SORBS2: variants seen among roughly 807,000 people sequenced by gnomAD.
The protein encoded by SORBS2 is sorbin and SH3 domain containing 2.
A neutral mutation model predicts 97.7 loss-of-function variants in SORBS2; 46 were observed. The ratio of observed to expected loss-of-function variants is 0.47; its 90% CI spans 0.37 to 0.60. SORBS2 has a LOEUF of 0.60. Among genes scored for constraint, SORBS2 ranks in the 20% least tolerant of loss-of-function variants. The probability of loss-of-function intolerance (pLI) is 0.00; values close to 1 mark genes in which losing one functional copy is unlikely to be tolerated. For missense variants in SORBS2, 1,316 were observed against 1,282.3 expected (o/e 1.03, Z -0.40); for synonymous variants, 476 against 473.4 (o/e 1.01, Z -0.07).
chr4:185,720,535 G>T (rs1300602866), intron 2 of SORBS2, among the ~76,000 whole-genome samples: 7 of 152,008 alleles, frequency 4.6e-5, no homozygotes, highest in Non-Finnish European at 7.4e-5. Context: ...CCTCTTTAAA[G>T]ACTGTATTTC....
chr4:185,773,929 C>T (rs2098986472), intron 2 of SORBS2: 1 of 142,022 alleles, frequency 7.0e-6, no homozygotes, highest in South Asian at 2.3e-4. Context: ...GTAAAACAGA[C>T]TTCTGGCTAC....
chr4:185,788,559 G>C (rs983395438), intron 1 of SORBS2, among the ~76,000 whole-genome samples: 1 of 152,124 alleles, frequency 6.6e-6, no homozygotes, highest in African/African-American at 2.4e-5. Flanking sequence ...TTCGTACAAG[G>C]CTCGCTGGTG....
intron 1 of SORBS2, among the ~76,000 whole-genome samples, chr4:185,946,231 A>C (rs1320410138): frequency 6.6e-6 from 1 of 152,216 alleles, no homozygotes; most frequent in Admixed American, 6.5e-5. Context: ...AAAAGGAAAA[A>C]GAGAACATGA....
Position 185,741,404 on chromosome 4 carries a change from G to GTTT in SORBS2, c.-198+33820_-198+33822dup, listed in dbSNP as rs58376567. On this transcript the variant is annotated intron_variant, in intron 2 of 20. Coordinates refer to the SORBS2 transcript ENST00000284776. The stretch of plus-strand genomic sequence containing the variant: ...TCTTTCTTTCTTTTCTTTTTTTTTT[G>GTTT]TTTTTTTTTTTTTTTTTGAGGGGGA... Among the ~76,000 whole-genome samples, 648 of 111,598 alleles carry GTTT rather than the reference G, an allele frequency of 5.8e-3. 9 individuals are homozygous for GTTT. The highest frequency in any genetic ancestry group is 9.8e-3 in the South Asian group (31 of 3,168). The allele number at this position is 111,598 out of a possible 152,430, so 73.2% of individuals were successfully genotyped here. A position where few individuals can be genotyped will look rare whatever the true frequency, so the allele number is the denominator to read the frequency against.
At chr4:185,945,515 T>C (rs2150011628) in intron 1 of SORBS2, among the ~76,000 whole-genome samples, 1 of 152,348 alleles carries the variant, frequency 6.6e-6, no homozygotes, top group African/African-American at 2.4e-5. Flanking sequence ...TTGCACAATT[T>C]TGGTAAACCT....
Position 185,606,256 on chromosome 4 carries a change from T to G in SORBS2, c.2796+5524A>C, listed in dbSNP as rs928427999. 2.0e-6 allele frequency: 2 copies of G among 985,074 alleles called. No homozygotes were observed. The highest frequency in any genetic ancestry group is 1.2e-4 in the Admixed American group (2 of 16,270). The allele number at this position is 985,074 out of a possible 1,614,324, so 61.0% of individuals were successfully genotyped here. A position where few individuals can be genotyped will look rare whatever the true frequency, so the allele number is the denominator to read the frequency against. On this transcript the variant is annotated intron_variant, in intron 12 of 14. Transcript: ENST00000418609. This position sits in a 1 kb window ranked among gnomAD's most constrained non-coding sequence, Gnocchi z 4.3. ...TAAAGATGTGGAGTTTTTAGAATAG[T>G]GTCTGATACTCAGTAAGAGCTCCAC...
At chr4:185,710,994 G>A (rs1443091802) in intron 2 of SORBS2, among the ~76,000 whole-genome samples, 1 of 96,138 alleles carries the variant, frequency 1.0e-5, no homozygotes, top group Non-Finnish European at 2.8e-5. Context: ...TTTAGAGACA[G>A]GGTCTCTCTC....
chr4:185,649,456 A>G lies in SORBS2; in HGVS notation c.281+11T>C. ...GCGAAACATAGGCCACCCTGGGGGG[A>G]AATGCCTTACTTTTCTGTTGAAGAC... On this transcript the variant is annotated intron_variant, in intron 3 of 14. Transcript: ENST00000418609. 1.3e-6 allele frequency: 2 copies of G among 1,553,702 alleles called. No individual in the cohort carries two copies. The highest frequency in any genetic ancestry group is 2.4e-5 in the East Asian group (1 of 41,616).
chr4:185,646,417 G>GTATATATA (rs35114445), intron 4 of SORBS2: 1 of 273,686 alleles, frequency 3.7e-6, no homozygotes, highest in African/African-American at 2.5e-5. Flanking sequence ...ATGTGTGTGT[G>GTATATATA]TATATATATA....
intron 1 of SORBS2, among the ~76,000 whole-genome samples, chr4:185,955,372 A>G (rs1254024240): frequency 6.6e-6 from 1 of 152,230 alleles, no homozygotes; most frequent in Non-Finnish European, 1.5e-5. Context: ...TACTGTATAG[A>G]AGAAACAACT....
intron 4 of SORBS2, among the ~76,000 whole-genome samples, chr4:185,677,946 G>A (rs77303249): frequency 0.016 from 2,437 of 151,808 alleles, 68 homozygotes; most frequent in African/African-American, 0.057. Flanking sequence ...TGTTCTCTTG[G>A]CATATTTTAT....
At chr4:185,680,621 G>A (rs1282662484) in intron 2 of SORBS2, among the ~76,000 whole-genome samples, 1 of 152,120 alleles carries the variant, frequency 6.6e-6, no homozygotes, top group East Asian at 1.9e-4. Flanking sequence ...TTTTTTTCTT[G>A]AGGATAGGGA....
chr4:185,881,019 C>G (rs2099236599), intron 1 of SORBS2, among the ~76,000 whole-genome samples: 1 of 151,770 alleles, frequency 6.6e-6, no homozygotes, highest in African/African-American at 2.4e-5. Flanking sequence ...AAGGATGATA[C>G]AGGAAGGGAA....
Position 185,617,568 on chromosome 4 carries a change from A to C in SORBS2, c.2351+1017T>G, listed in dbSNP as rs138216839. Reference sequence around the variant, plus strand: ...AGTGTAAACAACATATAATAATTTAATGACAATTTACAATGAATTCAATAT... The same window carrying C: ...AGTGTAAACAACATATAATAATTTACTGACAATTTACAATGAATTCAATAT... On this transcript the variant is annotated intron_variant, in intron 9 of 14. Coordinates refer to ENST00000418609, the Ensembl canonical transcript of SORBS2. 6.2e-4 allele frequency among the ~76,000 whole-genome samples: 94 copies of C among 152,260 alleles called. 1 individual carries two copies. The highest frequency in any genetic ancestry group is 2.1e-3 in the African/African-American group (87 of 41,538).
chr4:185,758,165 T>G (rs894063433), intron 2 of SORBS2, among the ~76,000 whole-genome samples: 1 of 152,210 alleles, frequency 6.6e-6, no homozygotes, highest in African/African-American at 2.4e-5. Flanking sequence ...ACCTAGTAAA[T>G]CAGCATTATT....
intron 2 of SORBS2, among the ~76,000 whole-genome samples, chr4:185,745,034 C>A (rs987429408): frequency 6.6e-6 from 1 of 152,184 alleles, no homozygotes; most frequent in Non-Finnish European, 1.5e-5. Context: ...AAACAGAAGA[C>A]ACTTGTGGGC....
intron 14 of SORBS2, among the ~76,000 whole-genome samples, chr4:185,588,803 C>A (rs1248015189): frequency 6.6e-6 from 1 of 152,050 alleles, no homozygotes; most frequent in African/African-American, 2.4e-5. Context: ...TTGGTAGATA[C>A]GGGGTTTCAC....
chr4:185,674,645 T>C (rs1304061826), intron 4 of SORBS2, among the ~76,000 whole-genome samples: 1 of 152,202 alleles, frequency 6.6e-6, no homozygotes, highest in East Asian at 1.9e-4. Flanking sequence ...CCTCCTGTCA[T>C]CTGGTCTTTG....
intron 12 of SORBS2, among the ~76,000 whole-genome samples, chr4:185,602,158 T>G (rs1008557538): frequency 7.2e-5 from 11 of 152,142 alleles, no homozygotes; most frequent in African/African-American, 2.4e-4. Context: ...TACAGGCACC[T>G]GTCACCACGT....
Sources: allele counts gnomAD v4.1 joint callset (sites outside exome capture counted in the v4.1 genomes callset), GRCh38; gene constraint gnomAD v4.1.1; non-coding constraint Gnocchi (gnomAD v3.1); transcripts MANE v1.5; gene names NCBI Gene and HGNC (gene_info 2026-07-23, HGNC 2026-07-21).